Variants in ARHGAP39 observed in about 807,000 individuals in gnomAD.
ARHGAP39 encodes the protein Rho GTPase activating protein 39, also known as rho GTPase-activating protein 39.
Under a neutral mutation model 106.9 loss-of-function variants are expected in ARHGAP39, and 44 were observed. The ratio of observed to expected loss-of-function variants is 0.41; its 90% CI spans 0.32 to 0.53. ARHGAP39 has a LOEUF of 0.53. Ranked by LOEUF, ARHGAP39 falls within the 20% of genes least tolerant of loss-of-function variation. The pLI, the probability that ARHGAP39 is intolerant of heterozygous loss-of-function variation, is 0.21. For missense variants in ARHGAP39, 1,496 were observed against 1,577.3 expected (o/e 0.95, Z 0.87); for synonymous variants, 768 against 693.2 (o/e 1.11, Z -1.69).
intron 1 of ARHGAP39, among the ~76,000 whole-genome samples, chr8:144,640,384 A>G (rs1048662362): frequency 6.6e-6 from 1 of 152,138 alleles, no homozygotes; most frequent in African/African-American, 2.4e-5. Flanking sequence ...TGTTTTCGTG[A>G]TAGTGAATGA....
At chr8:144,598,032 C>G (rs950977538) in intron 2 of ARHGAP39, among the ~76,000 whole-genome samples, 1 of 152,230 alleles carries the variant, frequency 6.6e-6, no homozygotes, top group East Asian at 1.9e-4. Flanking sequence ...AGGTAGGAAG[C>G]CACGCAGACC....
intron 1 of ARHGAP39, among the ~76,000 whole-genome samples, chr8:144,648,519 G>T (rs182246405): frequency 3.8e-4 from 58 of 152,326 alleles, no homozygotes; most frequent in Non-Finnish European, 6.3e-4. Flanking sequence ...ACCATACTGA[G>T]CAAGGGCGAT....
chr8:144,619,819 T>C (rs1160385073), intron 1 of ARHGAP39, among the ~76,000 whole-genome samples: 4 of 148,268 alleles, frequency 2.7e-5, no homozygotes, highest in South Asian at 2.2e-4. Context: ...TGAGCTTGTG[T>C]CCCTGAGAGT....
chr8:144,549,105 C>T (rs1817598927), intron 4 of ARHGAP39, among the ~76,000 whole-genome samples: 1 of 152,288 alleles, frequency 6.6e-6, no homozygotes, highest in Non-Finnish European at 1.5e-5. Context: ...TGCGTCCTCA[C>T]CAGTCCTCCC....
chr8:144,670,591 G>A lies in ARHGAP39; in HGVS notation c.-82+15095C>T, dbSNP rs891823320. Among the ~76,000 whole-genome samples, 3 of 152,038 alleles carry A rather than the reference G, an allele frequency of 2.0e-5. No homozygotes were observed. Among genetic ancestry groups the A allele is most frequent in the Non-Finnish European group, 4.4e-5 (3 of 68,014 alleles). On this transcript the variant is annotated intron_variant, in intron 1 of 11. Coordinates refer to ENST00000377307, the MANE Select transcript of ARHGAP39 (RefSeq NM_025251.3). This position sits in a 1 kb window ranked among gnomAD's most constrained non-coding sequence, Gnocchi z 4.4. ...GGCTGCCTCACTTGTCCTGCCTCCC[G>A]CCCTGCTCCAGGCTCCCTGGGCTCC...
rs948668753 is a variant in ARHGAP39 at position 144,555,596 on chromosome 8, C to T, written c.560G>A (p.Arg187Gln). 26 of 1,613,918 alleles carry T rather than the reference C, an allele frequency of 1.6e-5. No homozygotes were observed. The highest frequency in any genetic ancestry group is 3.3e-5 in the Admixed American group (2 of 60,014). ...AAGCTGGCCGTCCGCACTGTAATCC[C>T]GGTAAATCTCATAGTCCTTCTCAAG... ...VFLEKDYEIYRDYSADGQLLH... is the reference protein window; with the variant it reads ...VFLEKDYEIYQDYSADGQLLH... The change falls in exon 4 of 12, where the codon CGG becomes CAG. Residue 187 changes from arginine (R) to glutamine (Q), a missense_variant. Arg to Gln is a conservative substitution (Grantham distance 43, BLOSUM62 1). Coordinates refer to ENST00000377307, the MANE Select transcript of ARHGAP39 (RefSeq NM_025251.3).
chr8:144,619,590 G>A (rs978078353), intron 1 of ARHGAP39, among the ~76,000 whole-genome samples: 1 of 151,270 alleles, frequency 6.6e-6, no homozygotes, highest in Non-Finnish European at 1.5e-5. Flanking sequence ...GAGACTGTGT[G>A]TCCCTGAGAG....
chr8:144,568,497 A>G (rs554205349), intron 3 of ARHGAP39, among the ~76,000 whole-genome samples: 1 of 152,304 alleles, frequency 6.6e-6, no homozygotes, highest in South Asian at 2.1e-4. Context: ...TACACAAGCA[A>G]TCAAGAGCAC....
chr8:144,634,124 C>A (rs1465446681), intron 1 of ARHGAP39, among the ~76,000 whole-genome samples: 1 of 151,284 alleles, frequency 6.6e-6, no homozygotes, highest in Non-Finnish European at 1.5e-5. Context: ...CCTCTGCTGG[C>A]GCATTCTCCA....
At chr8:144,600,975 T>C (rs1819884308) in intron 2 of ARHGAP39, among the ~76,000 whole-genome samples, 1 of 138,982 alleles carries the variant, frequency 7.2e-6, no homozygotes, top group Non-Finnish European at 1.5e-5. Context: ...TGCATGTGCG[T>C]GGAGGTGTGT....
chr8:144,693,669 A>G, the ARHGAP39 span, among the ~76,000 whole-genome samples: 15 of 152,068 alleles, frequency 9.9e-5, no homozygotes, highest in African/African-American at 3.1e-4. Flanking sequence ...CACCGCGCCC[A>G]GCCGCCTGGC....
intron 1 of ARHGAP39, among the ~76,000 whole-genome samples, chr8:144,652,896 T>C (rs1821607770): frequency 6.6e-6 from 1 of 151,610 alleles, no homozygotes; most frequent in Admixed American, 6.6e-5. Context: ...AACCTTCACA[T>C]GTACCCCCCC....
upstream of ARHGAP39, among the ~76,000 whole-genome samples, chr8:144,689,426 C>CTTTTT (rs71320837): frequency 5.9e-5 from 4 of 67,554 alleles, no homozygotes; most frequent in East Asian, 5.1e-4. Flanking sequence ...TCTTAACCAT[C>CTTTTT]TTTTTTTTTT....
At chr8:144,560,742 C>T (rs758981777) in intron 3 of ARHGAP39, among the ~76,000 whole-genome samples, 7 of 152,120 alleles carry the variant, frequency 4.6e-5, no homozygotes, top group East Asian at 1.9e-4. Context: ...GTTCCTGAGG[C>T]GGTGATGCTA....
chr8:144,597,476 G>A (rs1819664565), intron 2 of ARHGAP39, among the ~76,000 whole-genome samples: 1 of 152,206 alleles, frequency 6.6e-6, no homozygotes, highest in South Asian at 2.1e-4. Context: ...GGAAGCCAAG[G>A]AAGCCACGTG....
chr8:144,622,896 C>T (rs1820840747), intron 1 of ARHGAP39, among the ~76,000 whole-genome samples: 2 of 152,206 alleles, frequency 1.3e-5, no homozygotes, highest in Admixed American at 1.3e-4. Context: ...GGTTGCTGAT[C>T]CAGTTACTGC....
At chr8:144,663,518 C>G (rs565482147) in intron 1 of ARHGAP39, among the ~76,000 whole-genome samples, 4 of 152,290 alleles carry the variant, frequency 2.6e-5, no homozygotes, top group South Asian at 2.1e-4. Flanking sequence ...GCCCCACCTC[C>G]AACACTGGGG....
chr8:144,566,050 C>A (rs190225481), intron 3 of ARHGAP39, among the ~76,000 whole-genome samples: 25 of 151,592 alleles, frequency 1.6e-4, no homozygotes, highest in African/African-American at 4.9e-5. Context: ...TCTGTGATTG[C>A]GCCATTGCAC....
chr8:144,666,593 G>A (rs569566244), intron 1 of ARHGAP39, among the ~76,000 whole-genome samples: 2 of 152,096 alleles, frequency 1.3e-5, no homozygotes, highest in Non-Finnish European at 2.9e-5. Context: ...ATGGGTTTAT[G>A]GGGGGCTTCT....
Sources: allele counts gnomAD v4.1 joint callset (sites outside exome capture counted in the v4.1 genomes callset), GRCh38; gene constraint gnomAD v4.1.1; non-coding constraint Gnocchi (gnomAD v3.1); transcripts MANE v1.5; gene names NCBI Gene and HGNC (gene_info 2026-07-23, HGNC 2026-07-21).